Variants in ARMCX4 observed in about 807,000 individuals in gnomAD.
ARMCX4 encodes the protein armadillo repeat-containing X-linked protein 4.
In ARMCX4, 3 loss-of-function variants were observed where a neutral mutation model predicts 34.7. That is an observed-to-expected ratio of 0.09 (90% confidence interval 0.04 to 0.22). ARMCX4 has a LOEUF of 0.22. Ranked by LOEUF, ARMCX4 falls within the 10% of genes least tolerant of loss-of-function variation. ARMCX4 has a pLI of 1.00. For synonymous variants in ARMCX4, 513 were observed against 632.8 expected (o/e 0.81, Z 2.84); for missense variants, 1,448 against 1,720.8 (o/e 0.84, Z 2.81).
At chrX:101,487,471 G>A in intron 3 of ARMCX4, 137 bp from the exon 4 acceptor site, 1 of 235,492 alleles carries the variant, frequency 4.2e-6, no homozygotes, top group Non-Finnish European at 8.1e-6. Flanking sequence ...CTTGATGGGG[G>A]GACCATGAGA....
chrX:101,515,372 T>TTTCC (rs1556017450), intron 11 of ARMCX4, among the ~76,000 whole-genome samples: 9 of 52,104 alleles, frequency 1.7e-4, no homozygotes, highest in Non-Finnish European at 2.6e-4. Context: ...TCTTTCTTTC[T>TTTCC]TTCTTTCTTT....
chrX:101,437,069 G>T (rs1416758822), intron 2 of ARMCX4, among the ~76,000 whole-genome samples: 4 of 111,739 alleles, frequency 3.6e-5, no homozygotes, highest in Admixed American at 9.5e-5. Context: ...GAGAATTTTT[G>T]CATGGATGTT....
At chrX:101,484,510 G>A (rs1323961376), upstream of ARMCX4, among the ~76,000 whole-genome samples, 1 of 112,080 alleles carries the variant, frequency 8.9e-6, no homozygotes, top group African/African-American at 3.2e-5. Flanking sequence ...CTCATCAGGA[G>A]TTGGGTCTTA....
chrX:101,502,554 A>G (rs1418876367), intron 7 of ARMCX4, among the ~76,000 whole-genome samples: 2 of 110,404 alleles, frequency 1.8e-5, no homozygotes, highest in Non-Finnish European at 3.8e-5. Flanking sequence ...TGGAAGTTTT[A>G]TATATGGGAT....
intron 11 of ARMCX4, among the ~76,000 whole-genome samples, chrX:101,514,999 AC>A (rs1231145706): frequency 2.7e-5 from 3 of 111,773 alleles, no homozygotes; most frequent in East Asian, 5.6e-4. Flanking sequence ...AACATCAGAC[AC>A]CCTGAGAGTT....
At chrX:101,425,669 A>G (rs113717172) in intron 2 of ARMCX4, among the ~76,000 whole-genome samples, 6,855 of 110,520 alleles carry the variant, frequency 0.062, 221 homozygotes, top group African/African-American at 0.13. Context: ...TGCTGGGATT[A>G]CAGGTGTGAG....
intron 2 of ARMCX4, among the ~76,000 whole-genome samples, chrX:101,437,865 C>G (rs1373581254): frequency 8.9e-6 from 1 of 111,913 alleles, no homozygotes; most frequent in Non-Finnish European, 1.9e-5. Context: ...TCATTGGTTT[C>G]AAAGAACATC....
Position 101,520,766 on chromosome X carries a change from A to G in ARMCX4, c.*1780+9711A>G, listed in dbSNP as rs1029141760. 6.3e-5 allele frequency among the ~76,000 whole-genome samples: 7 copies of G among 111,243 alleles called. No individual in the cohort carries two copies. The Middle Eastern group carries it at 0.014, about 220-fold the overall frequency. On this transcript the variant is annotated intron_variant and NMD_transcript_variant, in intron 11 of 12. Coordinates refer to the ARMCX4 transcript ENST00000354842. The stretch of plus-strand genomic sequence containing the variant: ...GGTATCTGGGTAATACTGGCCTTAC[A>G]GGATGAGTTTTGAAGTGTTCTCTTT...
chrX:101,504,614 A>G (rs1414596759), intron 7 of ARMCX4, among the ~76,000 whole-genome samples: 1 of 111,064 alleles, frequency 9.0e-6, no homozygotes, highest in African/African-American at 3.3e-5. Context: ...CTGGTCTTAT[A>G]GTCAGTTCTG....
chrX:101,430,122 A>C (rs1255249619), intron 2 of ARMCX4, among the ~76,000 whole-genome samples: 1 of 112,167 alleles, frequency 8.9e-6, no homozygotes, highest in Non-Finnish European at 1.9e-5. Context: ...GTAAATAAAA[A>C]TAGGGTTATG....
downstream of ARMCX4, chrX:101,498,306 T>A (rs1238669169): frequency 3.4e-6 from 1 of 290,510 alleles, no homozygotes; most frequent in Non-Finnish European, 6.6e-6. Context: ...GCTACCCAGC[T>A]GTCAATGAAG....
chrX:101,451,063 C>A (rs1203543070), downstream of ARMCX4, among the ~76,000 whole-genome samples: 1 of 111,555 alleles, frequency 9.0e-6, no homozygotes, highest in Non-Finnish European at 1.9e-5. Context: ...ACTTAGCCTC[C>A]CTGGCTTGTG....
intron 11 of ARMCX4, chrX:101,516,428 T>C (rs1212286414): frequency 1.8e-5 from 2 of 111,772 alleles, no homozygotes; most frequent in Non-Finnish European, 3.8e-5. Context: ...AATAAAATAA[T>C]AAAAATTGGG....
chrX:101,433,143 C>CACA (rs1930355248), intron 2 of ARMCX4, among the ~76,000 whole-genome samples: 1 of 100,415 alleles, frequency 1.0e-5, no homozygotes, highest in Admixed American at 1.1e-4. Flanking sequence ...TGTATATATA[C>CACA]TCACATATAC....
At chrX:101,430,968 G>T (rs1431318904) in intron 2 of ARMCX4, among the ~76,000 whole-genome samples, 1 of 111,005 alleles carries the variant, frequency 9.0e-6, no homozygotes, top group Non-Finnish European at 1.9e-5. Context: ...ATGGGATCCT[G>T]GGAAGTTCAT....
chrX:101,428,683 G>T (rs1603079936), intron 2 of ARMCX4, among the ~76,000 whole-genome samples: 1 of 110,998 alleles, frequency 9.0e-6, no homozygotes, highest in African/African-American at 3.3e-5. Context: ...CACTCATGCT[G>T]ACTCTACACT....
intron 4 of ARMCX4, among the ~76,000 whole-genome samples, chrX:101,460,021 C>T (rs1378395045): frequency 8.9e-6 from 1 of 112,703 alleles, no homozygotes; most frequent in Non-Finnish European, 1.9e-5. Flanking sequence ...CTAAGAAGTT[C>T]CCAGGTAATG....
chrX:101,514,488 G>A (rs1934664121), intron 11 of ARMCX4, among the ~76,000 whole-genome samples: 1 of 112,018 alleles, frequency 8.9e-6, no homozygotes, highest in African/African-American at 3.2e-5. Flanking sequence ...TAGGGAACAT[G>A]GTTTAATACC....
At chrX:101,473,641 A>G (rs1363341302) in intron 4 of ARMCX4, among the ~76,000 whole-genome samples, 10 of 108,509 alleles carry the variant, frequency 9.2e-5, no homozygotes, top group Admixed American at 2.0e-4. Flanking sequence ...ACTAGAACTC[A>G]GGATTAAGAA....
Sources: gnomAD v4.1 joint callset for allele counts (sites outside exome capture counted in the v4.1 genomes callset) on GRCh38, gnomAD v4.1.1 for gene constraint, MANE v1.5 for transcripts, NCBI Gene and HGNC (gene_info 2026-07-23, HGNC 2026-07-21) for gene names.